Variants in SGO2 observed in about 807,000 individuals in gnomAD.
The protein encoded by SGO2 is shugoshin 2.
SGO2 carries 68 observed loss-of-function variants against 99.5 expected under a neutral mutation model. The observed-to-expected ratio is 0.68, with a 90% CI of 0.56 to 0.84. The LOEUF (loss-of-function observed/expected upper bound fraction) is 0.84, where lower values mean the gene tolerates loss of function less well. Among genes scored for constraint, SGO2 ranks in the 40% least tolerant of loss-of-function variants. The pLI is 0.00. For missense variants in SGO2, 1,350 were observed against 1,436.7 expected (o/e 0.94, Z 0.97); for synonymous variants, 457 against 487.1 (o/e 0.94, Z 0.81).
chr2:200,583,381 C>T, intron 8 of SGO2, 68 bp from the exon 9 acceptor site: 2 of 1,375,412 alleles, frequency 1.5e-6, no homozygotes, highest in South Asian at 1.4e-5. Context: ...CAATTTTCTT[C>T]TCCATGCTTC....
intron 5 of SGO2, among the ~76,000 whole-genome samples, chr2:200,556,946 A>G (rs1217320687): frequency 6.6e-6 from 1 of 152,160 alleles, no homozygotes; most frequent in Non-Finnish European, 1.5e-5. Flanking sequence ...ACTCATTGCA[A>G]TGACACTGAA....
At chr2:200,580,704 T>C (rs1009701465) in intron 8 of SGO2, among the ~76,000 whole-genome samples, 2 of 152,130 alleles carry the variant, frequency 1.3e-5, no homozygotes, top group African/African-American at 4.8e-5. Context: ...CATTGGCATG[T>C]GCTTGTAGTC....
chr2:200,547,106 G>A (rs1310502235), intron 5 of SGO2, among the ~76,000 whole-genome samples: 1 of 152,150 alleles, frequency 6.6e-6, no homozygotes, highest in East Asian at 1.9e-4. Flanking sequence ...AAGACAAAGA[G>A]AAGATCCTAA....
At chr2:200,569,972 A>T (rs926172043) in intron 6 of SGO2, 80 bp downstream of exon 6, 1 of 882,900 alleles carries the variant, frequency 1.1e-6, no homozygotes, top group African/African-American at 1.7e-5. Flanking sequence ...GCAATTATGT[A>T]TAACAGTTAA....
chr2:200,559,919 G>T (rs1157474104), intron 5 of SGO2, among the ~76,000 whole-genome samples: 1 of 152,014 alleles, frequency 6.6e-6, no homozygotes, highest in South Asian at 2.1e-4. Flanking sequence ...AATGAATTTC[G>T]ATTTTTGAAG....
chr2:200,552,224 A>G (rs1446937915), intron 5 of SGO2, among the ~76,000 whole-genome samples: 1 of 151,980 alleles, frequency 6.6e-6, no homozygotes, highest in Non-Finnish European at 1.5e-5. Flanking sequence ...ATACTTTTTT[A>G]AAATATATTT....
At chr2:200,577,904 A>G (rs1336087807) in intron 8 of SGO2, among the ~76,000 whole-genome samples, 1 of 152,104 alleles carries the variant, frequency 6.6e-6, no homozygotes, top group Non-Finnish European at 1.5e-5. Flanking sequence ...TCCTTGGTTA[A>G]GGTGGTGTCT....
rs1320865123 is a variant in SGO2 at position 200,552,801 on chromosome 2, G to A, written c.473+10137G>A. ...TTTATCAGCAAGGTCTTTGTGACCTGTACCTTTTGCTGACTTCCTGTCTCA... is the reference window on the plus strand; with the variant it reads ...TTTATCAGCAAGGTCTTTGTGACCTATACCTTTTGCTGACTTCCTGTCTCA... On this transcript the variant is annotated intron_variant, in intron 5 of 8. Coordinates refer to ENST00000357799, the MANE Select transcript of SGO2 (RefSeq NM_152524.6). Among the ~76,000 whole-genome samples, 6 of 152,132 alleles carry A rather than the reference G, an allele frequency of 3.9e-5. 1 individual carries two copies. Among genetic ancestry groups the A allele is most frequent in the African/African-American group, 1.2e-4 (5 of 41,428 alleles).
chr2:200,532,124 C>T (rs566411649), intron 1 of SGO2, among the ~76,000 whole-genome samples: 14 of 152,126 alleles, frequency 9.2e-5, no homozygotes, highest in African/African-American at 2.7e-4. Context: ...ATGAACGTGA[C>T]CCAGGAGTTG....
chr2:200,568,831 A>G (rs1206814490), intron 5 of SGO2, among the ~76,000 whole-genome samples: 2 of 152,116 alleles, frequency 1.3e-5, no homozygotes, highest in African/African-American at 4.8e-5. Flanking sequence ...TATTTTGTCC[A>G]GAATTTATAG....
rs943012187 is a variant in SGO2 at position 200,571,364 on chromosome 2, C to T, written c.1018C>T (p.Pro340Ser). 4 of 1,612,514 alleles carry T rather than the reference C, an allele frequency of 2.5e-6. No individual in the cohort carries two copies. The highest frequency in any genetic ancestry group is 2.5e-6 in the Non-Finnish European group (3 of 1,178,904). ...PGLSSESAREPNAECMNQIED... is the reference protein window; with the variant it reads ...PGLSSESARESNAECMNQIED... ...CTTATCTTCTGAGTCTGCCAGAGAA[C>T]CTAATGCAGAGTGCATGAATCAAAT... The change falls in exon 7 of 9, where the codon CCT becomes TCT. Residue 340 changes from proline (P) to serine (S), a missense_variant. Pro to Ser is a moderately conservative substitution (Grantham distance 74, BLOSUM62 -1). Transcript: ENST00000357799.
intron 4 of SGO2, among the ~76,000 whole-genome samples, chr2:200,537,889 A>G (rs1290821699): frequency 2.0e-5 from 3 of 152,158 alleles, no homozygotes; most frequent in South Asian, 2.1e-4. Context: ...CATCTAAGGT[A>G]ATCACAACTC....
intron 4 of SGO2, among the ~76,000 whole-genome samples, chr2:200,538,769 G>GA (rs1329432415): frequency 1.3e-5 from 2 of 152,108 alleles, no homozygotes; most frequent in Non-Finnish European, 2.9e-5. Context: ...GTATGATGAT[G>GA]ATGTGGTCTT....
In SGO2 at chr2:200,570,732, A is replaced by G. The variant is rs538026767; in HGVS notation, c.704-318A>G. Among the ~76,000 whole-genome samples, 2 of 151,506 alleles carry G rather than the reference A, an allele frequency of 1.3e-5. No individual in the cohort carries two copies. Among genetic ancestry groups the G allele is most frequent in the Non-Finnish European group, 3.0e-5 (2 of 67,794 alleles). ...AGAGCTATCACTATTATTTGGGTTC[A>G]TTTGCTGGCCTCCTTTCACTCTAGA... On this transcript the variant is annotated intron_variant, in intron 6 of 8. Coordinates refer to ENST00000357799, the MANE Select transcript of SGO2 (RefSeq NM_152524.6). The surrounding 1 kb of genome is among the most constrained non-coding windows in gnomAD (Gnocchi z 4.4).
intron 5 of SGO2, among the ~76,000 whole-genome samples, chr2:200,564,550 G>A (rs1559212030): frequency 6.6e-6 from 1 of 152,182 alleles, no homozygotes; most frequent in Non-Finnish European, 1.5e-5. Context: ...GATTTGGAGT[G>A]GAGAGTTCTG....
rs1271572006 is a variant in SGO2, at chr2:200,571,396, T to A, written c.1050T>A (p.Asp350Glu). The change falls in exon 7 of 9, where the codon GAT becomes GAA. Residue 350 changes from aspartate (D) to glutamate (E), a missense_variant. Coordinates refer to ENST00000357799, the MANE Select transcript of SGO2 (RefSeq NM_152524.6). ...PNAECMNQIE[D>E]NDDFQLQKTV... ...CAGAGTGCATGAATCAAATTGAGGA[T>A]AATGATGACTTTCAATTGCAGAAAA... 6.2e-7 allele frequency: 1 copy of A among 1,609,822 alleles called. No homozygotes were observed. Among genetic ancestry groups the A allele is most frequent in the African/African-American group, 1.3e-5 (1 of 74,846 alleles).
In SGO2 at chr2:200,583,537, A is replaced by G; in HGVS notation, c.*73A>G. On this transcript the variant is annotated 3_prime_UTR_variant, in exon 9 of 9. Transcript: ENST00000357799. ...ATCAAAACAGAAATATAGTATCAAGAAGATGAAATGCTTAATGAAAAGGTT... is the reference window on the plus strand; with the variant it reads ...ATCAAAACAGAAATATAGTATCAAGGAGATGAAATGCTTAATGAAAAGGTT... 4 of 1,364,200 alleles carry G rather than the reference A, an allele frequency of 2.9e-6. No individual in the cohort carries two copies. The South Asian group carries it at 5.8e-5, about 20-fold the overall frequency. 84.5% of individuals were successfully genotyped at this position (1,364,200 alleles called of 1,614,324 possible). A position where few individuals can be genotyped will look rare whatever the true frequency, so the allele number is the denominator to read the frequency against.
chr2:200,557,622 C>G (rs1310016696), intron 5 of SGO2, among the ~76,000 whole-genome samples: 1 of 152,030 alleles, frequency 6.6e-6, no homozygotes, highest in African/African-American at 2.4e-5. Context: ...GGCAGAGAAG[C>G]TCTGCTTTTT....
At chr2:200,540,224 C>T (rs842937) in intron 4 of SGO2, among the ~76,000 whole-genome samples, 38,338 of 152,062 alleles carry the variant, frequency 0.25, 4,982 homozygotes, top group South Asian at 0.33. Flanking sequence ...TGTCCTTTCT[C>T]ATTCAAATTT....
Sources: allele counts gnomAD v4.1 joint callset (sites outside exome capture counted in the v4.1 genomes callset), GRCh38; gene constraint gnomAD v4.1.1; non-coding constraint Gnocchi (gnomAD v3.1); transcripts MANE v1.5; gene names NCBI Gene and HGNC (gene_info 2026-07-23, HGNC 2026-07-21).